SLC22A25: variants seen among roughly 807,000 people sequenced by gnomAD.
SLC22A25 encodes the protein solute carrier family 22 member 25.
In SLC22A25, 44 loss-of-function variants were observed where a neutral mutation model predicts 45.9. The observed-to-expected ratio is 0.96, with a 90% CI of 0.75 to 1.23. The LOEUF (loss-of-function observed/expected upper bound fraction) is 1.23. Ranked by LOEUF, SLC22A25 falls within the 50% of genes most tolerant of loss-of-function variation. The pLI is 0.00. For synonymous variants in SLC22A25, 283 were observed against 238.6 expected, an observed-to-expected ratio of 1.19 and a Z score of -1.72; for missense variants, 800 against 666.4, an observed-to-expected ratio of 1.20 and a Z score of -2.21.
intron 5 of SLC22A25, among the ~76,000 whole-genome samples, chr11:63,220,905 C>T (rs183191792): frequency 6.6e-6 from 1 of 152,162 alleles, no homozygotes; most frequent in East Asian, 1.9e-4. Context: ...GCTTATTTCA[C>T]TCAACATAAT....
intron 7 of SLC22A25, among the ~76,000 whole-genome samples, chr11:63,187,893 G>T (rs1317105305): frequency 6.6e-6 from 1 of 152,218 alleles, no homozygotes; most frequent in Non-Finnish European, 1.5e-5. Flanking sequence ...CAGGGATGTA[G>T]CCCACTTGAT....
rs1002252019 is a variant in SLC22A25 at position 63,159,149 on chromosome 11, A to G, written c.*4675T>C. ...TATATGTACCACATTTTCTTTATCA[A>G]TTCATCTGCTGATGGACACTTAGGT... On this transcript the variant is annotated 3_prime_UTR_variant, in exon 12 of 12. Transcript: ENST00000306494. 9.2e-5 allele frequency among the ~76,000 whole-genome samples: 14 copies of G among 152,224 alleles called. No homozygotes were observed. The highest frequency in any genetic ancestry group is 3.1e-4 in the African/African-American group (13 of 41,530).
At chr11:63,181,616 G>C (rs537545728) in intron 8 of SLC22A25, among the ~76,000 whole-genome samples, 1 of 152,174 alleles carries the variant, frequency 6.6e-6, no homozygotes, top group East Asian at 1.9e-4. Flanking sequence ...CATACCCTAA[G>C]TTGTCTGTGG....
intron 10 of SLC22A25, 107 bp downstream of exon 10, chr11:63,165,937 G>T: frequency 7.4e-7 from 1 of 1,351,312 alleles, no homozygotes; most frequent in Non-Finnish European, 1.0e-6. Context: ...GGAATCCTGA[G>T]AACTCAATTC....
chr11:63,186,914 T>C (rs550082148), intron 7 of SLC22A25, among the ~76,000 whole-genome samples: 3 of 152,310 alleles, frequency 2.0e-5, no homozygotes, highest in East Asian at 1.9e-4. Flanking sequence ...ATCTCTGTTT[T>C]GGTACCAGTA....
chr11:63,232,426 TC>T (rs1290964773), intron 3 of SLC22A25, among the ~76,000 whole-genome samples: 7 of 152,210 alleles, frequency 4.6e-5, no homozygotes, highest in Admixed American at 1.3e-4. Flanking sequence ...ATGATTCGGC[TC>T]TCTGTTTGTC....
Position 63,229,315 on chromosome 11 carries a change from G to C in SLC22A25, c.338C>G (p.Thr113Arg). The C allele has an allele frequency of 6.2e-7, 1 of 1,609,412 alleles. No individual in the cohort carries two copies. The highest frequency in any genetic ancestry group is 8.5e-7 in the Non-Finnish European group (1 of 1,177,458). The change falls in exon 4 of 12, where the codon ACA becomes AGA. Residue 113 changes from threonine to arginine, a missense_variant. Transcript: ENST00000306494. ...GTFPNTSEPDTEPCVDGWVYD... is the reference protein window; with the variant it reads ...GTFPNTSEPDREPCVDGWVYD... ...TACCCAGCCATCCACACAGGGCTCT[G>C]TATCTGGCTCACTCGTGTTGGGGAA...
intron 9 of SLC22A25, among the ~76,000 whole-genome samples, chr11:63,177,037 C>G (rs2088113909): frequency 1.3e-5 from 2 of 151,884 alleles, no homozygotes; most frequent in Admixed American, 6.6e-5. Flanking sequence ...TTTTTGTTGG[C>G]AGTTTTCATC....
At chr11:63,185,905 G>A (rs1308204920) in intron 7 of SLC22A25, among the ~76,000 whole-genome samples, 1 of 150,306 alleles carries the variant, frequency 6.7e-6, no homozygotes, top group Non-Finnish European at 1.5e-5. Flanking sequence ...AGTATTCCAT[G>A]GTGTATATGT....
intron 3 of SLC22A25, among the ~76,000 whole-genome samples, chr11:63,235,468 G>A (rs2090147025): frequency 6.6e-6 from 1 of 152,184 alleles, no homozygotes; most frequent in South Asian, 2.1e-4. Context: ...TTGTCACGTA[G>A]TTCTTGTGCC....
At chr11:63,203,826 C>G (rs1022219904) in intron 7 of SLC22A25, among the ~76,000 whole-genome samples, 2 of 152,016 alleles carry the variant, frequency 1.3e-5, no homozygotes, top group Middle Eastern at 3.2e-3. Flanking sequence ...AGATACTCCT[C>G]GAGAAGAGCA....
At chr11:63,190,686 C>A (rs142436322) in intron 7 of SLC22A25, among the ~76,000 whole-genome samples, 6 of 151,952 alleles carry the variant, frequency 3.9e-5, no homozygotes, top group Non-Finnish European at 8.8e-5. Flanking sequence ...TTTTATCTAC[C>A]TTTGCTCTTT....
intron 5 of SLC22A25, among the ~76,000 whole-genome samples, chr11:63,219,753 T>C (rs1322074123): frequency 6.6e-6 from 1 of 152,174 alleles, no homozygotes; most frequent in Admixed American, 6.5e-5. Context: ...ATCTCCTGCC[T>C]GGTACCACTA....
intron 7 of SLC22A25, among the ~76,000 whole-genome samples, chr11:63,187,055 A>G (rs2088583248): frequency 1.3e-5 from 2 of 152,146 alleles, no homozygotes; most frequent in Non-Finnish European, 2.9e-5. Flanking sequence ...TATGAACTTT[A>G]AAGTAGTTTT....
At chr11:63,188,478 G>T (rs1052793076) in intron 7 of SLC22A25, among the ~76,000 whole-genome samples, 1 of 151,884 alleles carries the variant, frequency 6.6e-6, no homozygotes, top group Non-Finnish European at 1.5e-5. Context: ...CTATTTTGTT[G>T]CTCTTTTCAA....
chr11:63,240,185 TA>T (rs2090225555), intron 1 of SLC22A25, among the ~76,000 whole-genome samples: 5 of 151,940 alleles, frequency 3.3e-5, no homozygotes. Context: ...AAAGTTAGAG[TA>T]AAAATAAAAG....
At chr11:63,214,052 T>G (rs1269716601) in intron 7 of SLC22A25, among the ~76,000 whole-genome samples, 4 of 152,166 alleles carry the variant, frequency 2.6e-5, no homozygotes, top group African/African-American at 9.7e-5. Flanking sequence ...AAATCACAGC[T>G]AGAATGAACA....
chr11:63,201,096 C>T (rs112528361), intron 7 of SLC22A25, among the ~76,000 whole-genome samples: 6,223 of 152,162 alleles, frequency 0.041, 137 homozygotes, highest in Non-Finnish European at 0.056. Flanking sequence ...TTTATAGATT[C>T]AATGCTATTC....
At chr11:63,175,543 C>T (rs1049565368) in intron 9 of SLC22A25, among the ~76,000 whole-genome samples, 2 of 152,086 alleles carry the variant, frequency 1.3e-5, no homozygotes, top group Admixed American at 6.6e-5. Context: ...TATTTTCCCT[C>T]ATTCTGAAGG....
Sources: allele counts gnomAD v4.1 joint callset (sites outside exome capture counted in the v4.1 genomes callset), GRCh38; gene constraint gnomAD v4.1.1; transcripts MANE v1.5; gene names NCBI Gene and HGNC (gene_info 2026-07-23, HGNC 2026-07-21).